The following NRXN1 variants were observed in gnomAD, a reference collection of about 807,000 sequenced individuals.
The protein encoded by NRXN1 is neurexin-1.
Under a neutral mutation model 150.9 loss-of-function variants are expected in NRXN1, and 39 were observed. The observed-to-expected ratio is 0.26, with a 90% confidence interval of 0.20 to 0.34. The LOEUF is 0.34. NRXN1 is among the 10% of genes least tolerant of loss of function. The pLI is 1.00. For missense variants in NRXN1, 1,815 were observed against 1,949.9 expected (o/e 0.93, Z 1.30); for synonymous variants, 924 against 757.0 (o/e 1.22, Z -3.62).
At chr2:50,373,571 G>C (rs79160613) in intron 17 of NRXN1, among the ~76,000 whole-genome samples, 4 of 148,270 alleles carry the variant, frequency 2.7e-5, no homozygotes, top group Non-Finnish European at 5.9e-5. Flanking sequence ...TTTATAGAGA[G>C]CCCTGAATTT....
intron 21 of NRXN1, among the ~76,000 whole-genome samples, chr2:49,990,162 T>C (rs1681670677): frequency 6.6e-6 from 1 of 151,598 alleles, no homozygotes; most frequent in Non-Finnish European, 1.5e-5. Context: ...CCCTTTATAT[T>C]GGGTGTTCAG....
intron 17 of NRXN1, among the ~76,000 whole-genome samples, chr2:50,459,814 T>C (rs1460615362): frequency 2.0e-5 from 3 of 152,116 alleles, no homozygotes; most frequent in Non-Finnish European, 2.9e-5. Context: ...TGGTACATCA[T>C]TTTTAGAGAA....
intron 5 of NRXN1, among the ~76,000 whole-genome samples, chr2:50,729,519 A>T (rs931025206): frequency 3.3e-5 from 5 of 152,224 alleles, no homozygotes; most frequent in African/African-American, 1.2e-4. Flanking sequence ...GACTATGCTA[A>T]ACGGCTTCAG....
At chr2:50,508,701 C>T (rs1275471525) in intron 12 of NRXN1, among the ~76,000 whole-genome samples, 1 of 152,050 alleles carries the variant, frequency 6.6e-6, no homozygotes, top group African/African-American at 2.4e-5. Flanking sequence ...TTGGCTTGAT[C>T]TTGCAGTAAA....
At chr2:50,267,843 T>C (rs2069078375) in intron 17 of NRXN1, among the ~76,000 whole-genome samples, 1 of 152,016 alleles carries the variant, frequency 6.6e-6, no homozygotes, top group Non-Finnish European at 1.5e-5. Flanking sequence ...ATTATCTTAT[T>C]TGAAGTCCAA....
chr2:50,289,004 G>A (rs557246679), intron 17 of NRXN1, among the ~76,000 whole-genome samples: 15 of 152,244 alleles, frequency 9.9e-5, no homozygotes, highest in African/African-American at 3.4e-4. Context: ...GAAAGGTGAG[G>A]AATCTAGGGC....
At chr2:50,426,686 G>C (rs2084523580) in intron 17 of NRXN1, among the ~76,000 whole-genome samples, 1 of 152,014 alleles carries the variant, frequency 6.6e-6, no homozygotes, top group Non-Finnish European at 1.5e-5. Flanking sequence ...AGTTATTTTT[G>C]TTGCATTCGG....
At chr2:49,969,097 T>G (rs1020870782) in intron 21 of NRXN1, among the ~76,000 whole-genome samples, 44 of 152,110 alleles carry the variant, frequency 2.9e-4, no homozygotes, top group African/African-American at 1.1e-3. Context: ...TCTTGGCAAG[T>G]CCAACAGTAG....
chr2:50,857,755 C>T (rs560414981), intron 5 of NRXN1, among the ~76,000 whole-genome samples: 6 of 152,082 alleles, frequency 3.9e-5, no homozygotes, highest in African/African-American at 1.4e-4. Flanking sequence ...CAATTCTCAC[C>T]TCCTGTGCCT....
intron 17 of NRXN1, among the ~76,000 whole-genome samples, chr2:50,443,330 A>T (rs1312363232): frequency 6.6e-6 from 1 of 152,212 alleles, no homozygotes; most frequent in Non-Finnish European, 1.5e-5. Flanking sequence ...GTGTGAATAT[A>T]GGAGAATTTT....
intron 18 of NRXN1, among the ~76,000 whole-genome samples, chr2:50,151,898 A>G (rs1028916136): frequency 2.2e-4 from 34 of 151,972 alleles, no homozygotes; most frequent in African/African-American, 8.2e-4. Flanking sequence ...AAAGAGTATG[A>G]GCAATTCTAC....
At chr2:50,463,303 C>T (rs1057468679) in intron 17 of NRXN1, among the ~76,000 whole-genome samples, 2 of 151,756 alleles carry the variant, frequency 1.3e-5, no homozygotes, top group Non-Finnish European at 2.9e-5. Context: ...TATCTTCTAC[C>T]AATTATAATT....
At chr2:50,436,923 T>C (rs2085498101) in intron 17 of NRXN1, among the ~76,000 whole-genome samples, 1 of 152,164 alleles carries the variant, frequency 6.6e-6, no homozygotes, top group Non-Finnish European at 1.5e-5. Context: ...CAAAGTAATT[T>C]GTCTCCTAAT....
intron 2 of NRXN1, among the ~76,000 whole-genome samples, chr2:51,006,437 C>T: frequency 6.6e-6 from 1 of 151,708 alleles, no homozygotes; most frequent in Non-Finnish European, 1.5e-5. Context: ...GGATATATAC[C>T]TAATGCTAAA....
At chr2:50,633,968 C>T (rs1440865064) in intron 5 of NRXN1, among the ~76,000 whole-genome samples, 2 of 152,046 alleles carry the variant, frequency 1.3e-5, no homozygotes, top group Non-Finnish European at 2.9e-5. Context: ...GATCTTAATG[C>T]TGAGGAACCA....
chr2:50,412,407 A>G (rs2104106084), intron 17 of NRXN1, among the ~76,000 whole-genome samples: 1 of 152,158 alleles, frequency 6.6e-6, no homozygotes, highest in East Asian at 1.9e-4. Context: ...CATATTCATA[A>G]GTATGTATAT....
At chr2:50,375,427 T>C (rs1239921200) in intron 17 of NRXN1, among the ~76,000 whole-genome samples, 3 of 130,236 alleles carry the variant, frequency 2.3e-5, no homozygotes, top group Non-Finnish European at 4.8e-5. Context: ...TCTTAGAGAG[T>C]GTAACTTGCC....
chr2:50,241,535 A>G (rs1428106505), intron 17 of NRXN1, among the ~76,000 whole-genome samples: 1 of 151,818 alleles, frequency 6.6e-6, no homozygotes, highest in Non-Finnish European at 1.5e-5. Flanking sequence ...TGAAATTTAA[A>G]GTGGTTTTCA....
intron 5 of NRXN1, among the ~76,000 whole-genome samples, chr2:50,727,627 G>T (rs1697552661): frequency 6.6e-6 from 1 of 151,970 alleles, no homozygotes; most frequent in Non-Finnish European, 1.5e-5. Context: ...CAAGTACAGG[G>T]TACACATATT....
Sources: gnomAD v4.1 joint callset for allele counts (sites outside exome capture counted in the v4.1 genomes callset) on GRCh38, gnomAD v4.1.1 for gene constraint, MANE v1.5 for transcripts, NCBI Gene and HGNC (gene_info 2026-07-23, HGNC 2026-07-21) for gene names.